Variants in FHOD3 observed in about 807,000 individuals in gnomAD.
FHOD3 encodes the protein FH1/FH2 domain-containing protein 3.
FHOD3 carries 90 observed loss-of-function variants against 173.0 expected under a neutral mutation model. The ratio of observed to expected loss-of-function variants is 0.52; its 90% CI spans 0.44 to 0.62. FHOD3 has a LOEUF of 0.62. Ranked by LOEUF, FHOD3 falls within the 20% of genes least tolerant of loss-of-function variation. FHOD3 has a pLI of 0.00. For synonymous variants in FHOD3, 828 were observed against 823.0 expected, an observed-to-expected ratio of 1.01 and a Z score of -0.10; for missense variants, 1,945 against 2,034.7, an observed-to-expected ratio of 0.96 and a Z score of 0.85.
intron 22 of FHOD3, 81 bp from the exon 23 acceptor site, chr18:36,743,951 C>T (rs2042029270): frequency 1.3e-6 from 2 of 1,498,078 alleles, no homozygotes; most frequent in East Asian, 4.5e-5. Context: ...GTGACTGCAG[C>T]CAAGAATTGA....
chr18:36,579,452 GA>G (rs1255099805), intron 6 of FHOD3, among the ~76,000 whole-genome samples: 3 of 152,334 alleles, frequency 2.0e-5, no homozygotes, highest in Non-Finnish European at 4.4e-5. Context: ...GTATGGGGAA[GA>G]ATCACTGTGA....
intron 3 of FHOD3, among the ~76,000 whole-genome samples, chr18:36,415,049 G>C (rs1706513508): frequency 6.6e-6 from 1 of 152,164 alleles, no homozygotes. Context: ...CACAGCGGGG[G>C]ATTTTTGGGC....
At chr18:36,547,317 C>T (rs1272689956) in intron 5 of FHOD3, among the ~76,000 whole-genome samples, 2 of 152,154 alleles carry the variant, frequency 1.3e-5, no homozygotes, top group South Asian at 2.1e-4. Context: ...TCACCACAGC[C>T]GAGACTCACA....
chr18:36,748,059 CCATT>C (rs2042229720), intron 24 of FHOD3, among the ~76,000 whole-genome samples: 3 of 152,138 alleles, frequency 2.0e-5, no homozygotes, highest in African/African-American at 7.2e-5. Context: ...CCCTGGGTCT[CCATT>C]CAGACCACTG....
At position 36,687,156 on chromosome 18, in the gene FHOD3, C is replaced by T. The variant is rs200659422; in HGVS notation, c.1999C>T (p.Gln667Ter). Residue 667 changes from glutamine to a stop codon, truncating the protein, a stop_gained, in exon 16 of 29, where the codon CAA becomes TAA. Transcript: ENST00000590592. LOFTEE classifies it high-confidence loss of function. ...SRDYLDKREE[Q>*]RQAREERYKY... ...AGATTATTTAGACAAAAGAGAGGAG[C>T]AAAGGCAAGCAAGAGAAGAAAGGTT... 3 of 1,611,156 alleles carry T rather than the reference C, an allele frequency of 1.9e-6. No homozygotes were observed. Among genetic ancestry groups the T allele is most frequent in the Non-Finnish European group, 2.5e-6 (3 of 1,177,940 alleles).
intron 5 of FHOD3, among the ~76,000 whole-genome samples, chr18:36,546,056 A>C (rs1009674019): frequency 6.6e-6 from 1 of 152,234 alleles, no homozygotes; most frequent in Non-Finnish European, 1.5e-5. Flanking sequence ...GGGTGTGCCA[A>C]GGCAGGCTTT....
chr18:36,730,512 G>C (rs1264256849), intron 19 of FHOD3, 134 bp from the exon 20 acceptor site: 2 of 809,004 alleles, frequency 2.5e-6, no homozygotes, highest in Admixed American at 5.6e-5. Flanking sequence ...CTGAACAGTA[G>C]CCAGTCCTTC....
At chr18:36,393,490 A>G (rs936495252) in intron 3 of FHOD3, among the ~76,000 whole-genome samples, 2 of 152,090 alleles carry the variant, frequency 1.3e-5, no homozygotes, top group Non-Finnish European at 2.9e-5. Context: ...ACTCCTAGAC[A>G]TTGCCGAATG....
rs370977881 is a variant in FHOD3, at chr18:36,342,939, A to G, written c.166-12600A>G. 3.6e-4 allele frequency among the ~76,000 whole-genome samples: 55 copies of G among 152,376 alleles called. No individual in the cohort carries two copies. The Middle Eastern group carries it at 0.017, about 47-fold the overall frequency. Reference sequence around the variant, plus strand: ...GACAAGATGATCAAAACCATTAGCCATCAGGAAAATGCAAATCAAAAGCAT... The same window carrying G: ...GACAAGATGATCAAAACCATTAGCCGTCAGGAAAATGCAAATCAAAAGCAT... On this transcript the variant is annotated intron_variant, in intron 1 of 28. Transcript: ENST00000590592.
chr18:36,498,475 G>C (rs1489635132), intron 3 of FHOD3, among the ~76,000 whole-genome samples: 1 of 152,032 alleles, frequency 6.6e-6, no homozygotes, highest in South Asian at 2.1e-4. Context: ...ACCAATACCA[G>C]GTATAAAAGG....
rs149043669 is a variant in FHOD3, at chr18:36,515,434, G to A, written c.511+2891G>A. ...GGGGTTTCACCATGTTAGCCAGGAT[G>A]ATCTTGATCTCCTGACCTCGTGATC... On this transcript the variant is annotated intron_variant, in intron 5 of 28. Transcript: ENST00000590592. Among the ~76,000 whole-genome samples the A allele has an allele frequency of 5.6e-3, 848 of 152,198 alleles. 7 individuals are homozygous for A. The highest frequency in any genetic ancestry group is 0.02 in the African/African-American group (816 of 41,536).
At chr18:36,505,754 G>T (rs2055267913) in intron 4 of FHOD3, among the ~76,000 whole-genome samples, 1 of 152,282 alleles carries the variant, frequency 6.6e-6, no homozygotes, top group Admixed American at 6.5e-5. Flanking sequence ...TAATGTGGAT[G>T]AAAAAACATT....
At chr18:36,603,192 G>A (rs2031625868) in intron 8 of FHOD3, among the ~76,000 whole-genome samples, 1 of 152,112 alleles carries the variant, frequency 6.6e-6, no homozygotes, top group Non-Finnish European at 1.5e-5. Context: ...CTAGTTTGTG[G>A]TACTTTCTTA....
intron 18 of FHOD3, among the ~76,000 whole-genome samples, chr18:36,712,365 A>G (rs999430216): frequency 1.3e-5 from 2 of 152,238 alleles, no homozygotes; most frequent in African/African-American, 4.8e-5. Context: ...GAGCAGTTAC[A>G]AACACTTAGG....
chr18:36,713,751 T>G (rs992839517), intron 18 of FHOD3, among the ~76,000 whole-genome samples: 1 of 152,184 alleles, frequency 6.6e-6, no homozygotes, highest in African/African-American at 2.4e-5. Context: ...AATTATCACA[T>G]GTACCCCAAA....
intron 7 of FHOD3, among the ~76,000 whole-genome samples, chr18:36,597,826 T>C (rs1477867359): frequency 6.7e-6 from 1 of 149,676 alleles, no homozygotes; most frequent in African/African-American, 2.4e-5. Flanking sequence ...AAAAAAGGAA[T>C]GGCACTAATG....
rs549781544 is a variant in FHOD3 at position 36,709,016 on chromosome 18, A to G, written c.2237-79A>G. 4 of 1,519,882 alleles carry G rather than the reference A, an allele frequency of 2.6e-6. No homozygotes were observed. In the African/African-American group the frequency reaches 4.1e-5, roughly 16 times the overall value. The allele number at this position is 1,519,882 out of a possible 1,614,324, so 94.1% of individuals were successfully genotyped here. On this transcript the variant is annotated intron_variant, in intron 17 of 28. Transcript: ENST00000590592. ...ACATCTGTCCACCACAGAGAAATCA[A>G]CCTCACATTCATTCTCACCTCACTT...
At chr18:36,551,858 C>T (rs1056636686) in intron 5 of FHOD3, among the ~76,000 whole-genome samples, 1 of 151,964 alleles carries the variant, frequency 6.6e-6, no homozygotes, top group African/African-American at 2.4e-5. Context: ...TGATCTATGT[C>T]TCTGTTTTGG....
intron 5 of FHOD3, among the ~76,000 whole-genome samples, chr18:36,554,169 T>C (rs1211322018): frequency 1.3e-5 from 2 of 152,164 alleles, no homozygotes; most frequent in African/African-American, 4.8e-5. Flanking sequence ...ATCATGCTGC[T>C]ATAAAGACAC....
Sources: gnomAD v4.1 joint callset for allele counts (sites outside exome capture counted in the v4.1 genomes callset) on GRCh38, gnomAD v4.1.1 for gene constraint, MANE v1.5 for transcripts, NCBI Gene and HGNC (gene_info 2026-07-23, HGNC 2026-07-21) for gene names.